MSRA: variants seen among roughly 807,000 people sequenced by gnomAD.
MSRA encodes mitochondrial peptide methionine sulfoxide reductase.
MSRA carries 54 observed loss-of-function variants against 31.3 expected under a neutral mutation model. The ratio of observed to expected loss-of-function variants is 1.73; its 90% CI spans 1.39 to 2.17. The LOEUF is 2.17. Among genes scored for constraint, MSRA ranks in the 30% most tolerant of loss-of-function variants. The probability of loss-of-function intolerance (pLI) is 0.00; values close to 1 mark genes in which losing one functional copy is unlikely to be tolerated. For missense variants in MSRA, 507 were observed against 300.9 expected, an observed-to-expected ratio of 1.69 and a Z score of -5.07; for synonymous variants, 169 against 116.5, an observed-to-expected ratio of 1.45 and a Z score of -2.90.
chr8:10,390,052 C>T (rs368184682), intron 5 of MSRA, among the ~76,000 whole-genome samples: 1 of 152,238 alleles, frequency 6.6e-6, no homozygotes, highest in East Asian at 1.9e-4. Flanking sequence ...ATGTGTCTCA[C>T]AGAGCCCTGC....
At chr8:10,395,342 G>A (rs1290668704) in intron 5 of MSRA, among the ~76,000 whole-genome samples, 7 of 152,322 alleles carry the variant, frequency 4.6e-5, no homozygotes, top group Non-Finnish European at 8.8e-5. Flanking sequence ...AAATACGTAT[G>A]AGTCTGTGAA....
chr8:10,073,132 G>A (rs906923974), intron 1 of MSRA, among the ~76,000 whole-genome samples: 3 of 151,920 alleles, frequency 2.0e-5, no homozygotes, highest in African/African-American at 7.3e-5. Flanking sequence ...AGTGATCTGT[G>A]GATATTTCCC....
chr8:10,179,686 G>A (rs1806368776), intron 1 of MSRA, among the ~76,000 whole-genome samples: 2 of 152,140 alleles, frequency 1.3e-5, no homozygotes. Flanking sequence ...AACAGACCTG[G>A]GTTTATGTTC....
intron 5 of MSRA, among the ~76,000 whole-genome samples, chr8:10,363,763 C>CACACACACACACACACACACACACAG (rs1804997297): frequency 6.6e-6 from 1 of 150,918 alleles, no homozygotes; most frequent in Admixed American, 6.6e-5. Context: ...CACACACACA[C>CACACACACACACACACACACACACAG]ACACACACAC....
chr8:10,284,700 G>C (rs1018114215), intron 3 of MSRA, among the ~76,000 whole-genome samples: 1 of 152,088 alleles, frequency 6.6e-6, no homozygotes, highest in African/African-American at 2.4e-5. Flanking sequence ...ACATTATGGA[G>C]GTCTGGGTTC....
chr8:10,213,796 C>T (rs1220842713), intron 2 of MSRA, among the ~76,000 whole-genome samples: 2 of 152,074 alleles, frequency 1.3e-5, no homozygotes, highest in African/African-American at 4.8e-5. Context: ...CCTGGGAGTG[C>T]AGAGGTCTCT....
At chr8:10,372,056 C>T (rs564289495) in intron 5 of MSRA, among the ~76,000 whole-genome samples, 2 of 152,296 alleles carry the variant, frequency 1.3e-5, no homozygotes, top group East Asian at 1.9e-4. Context: ...GCATTTGCAG[C>T]GATTGTCATT....
chr8:10,228,981 C>A (rs1321856541), intron 2 of MSRA, among the ~76,000 whole-genome samples: 2 of 152,068 alleles, frequency 1.3e-5, no homozygotes, highest in African/African-American at 4.8e-5. Context: ...TGTAATGTCA[C>A]AGTTAAAGTT....
chr8:10,168,408 C>G (rs1464722268), intron 1 of MSRA, among the ~76,000 whole-genome samples: 1 of 152,156 alleles, frequency 6.6e-6, no homozygotes, highest in Non-Finnish European at 1.5e-5. Context: ...TGGGCATCTC[C>G]AGCACAGCCA....
At chr8:10,220,054 A>G (rs1810359881) in intron 2 of MSRA, among the ~76,000 whole-genome samples, 1 of 152,064 alleles carries the variant, frequency 6.6e-6, no homozygotes, top group Admixed American at 6.5e-5. Context: ...CTTAGGCCCA[A>G]GTAGTGTGAA....
chr8:10,423,038 T>C (rs1018668446), intron 5 of MSRA, among the ~76,000 whole-genome samples: 1 of 152,192 alleles, frequency 6.6e-6, no homozygotes, highest in Non-Finnish European at 1.5e-5. Context: ...CTGTCACGGG[T>C]GCAGCCTCCT....
intron 2 of MSRA, among the ~76,000 whole-genome samples, chr8:10,212,464 A>G (rs2129062201): frequency 6.6e-6 from 1 of 152,328 alleles, no homozygotes; most frequent in Non-Finnish European, 1.5e-5. Context: ...AAATGGAAAA[A>G]ATTGCAATGA....
At chr8:10,290,671 A>G (rs202196095) in intron 3 of MSRA, among the ~76,000 whole-genome samples, 1 of 152,116 alleles carries the variant, frequency 6.6e-6, no homozygotes, top group Non-Finnish European at 1.5e-5. Flanking sequence ...TAAGTTGTTA[A>G]ATTGTGAACC....
intron 5 of MSRA, among the ~76,000 whole-genome samples, chr8:10,418,230 G>C (rs1263763170): frequency 6.6e-6 from 1 of 152,160 alleles, no homozygotes; most frequent in Non-Finnish European, 1.5e-5. Context: ...GGATTGCTTG[G>C]AGAAGACATA....
chr8:10,383,925 T>G (rs1260367868), intron 5 of MSRA, among the ~76,000 whole-genome samples: 1 of 152,184 alleles, frequency 6.6e-6, no homozygotes, highest in Non-Finnish European at 1.5e-5. Flanking sequence ...AGGACATTCC[T>G]CATACGCTCA....
At chr8:10,331,336 G>C (rs568946968) in intron 5 of MSRA, among the ~76,000 whole-genome samples, 1 of 152,352 alleles carries the variant, frequency 6.6e-6, no homozygotes, top group Admixed American at 6.5e-5. Context: ...TGTAGTGACC[G>C]TGACCTTGGA....
At chr8:10,175,647 G>A (rs1475491085) in intron 1 of MSRA, among the ~76,000 whole-genome samples, 2 of 152,164 alleles carry the variant, frequency 1.3e-5, no homozygotes, top group African/African-American at 4.8e-5. Flanking sequence ...GGAGCCTTAC[G>A]TACTGGCTAG....
At chr8:10,155,235 GTTTA>G (rs1268124412) in intron 1 of MSRA, among the ~76,000 whole-genome samples, 2 of 152,088 alleles carry the variant, frequency 1.3e-5, no homozygotes, top group South Asian at 2.1e-4. Context: ...ACTATTTTGT[GTTTA>G]TTTAGGAGAG....
chr8:10,416,947 T>C (rs922298874), intron 5 of MSRA, among the ~76,000 whole-genome samples: 4 of 152,176 alleles, frequency 2.6e-5, no homozygotes, highest in Non-Finnish European at 5.9e-5. Flanking sequence ...CTTAGCAGTC[T>C]GAAGACACTG....
Sources: gnomAD v4.1 joint callset for allele counts (sites outside exome capture counted in the v4.1 genomes callset) on GRCh38, gnomAD v4.1.1 for gene constraint, MANE v1.5 for transcripts, NCBI Gene and HGNC (gene_info 2026-07-23, HGNC 2026-07-21) for gene names.